Variants in CD300LB observed in about 807,000 individuals in gnomAD.
CD300LB encodes the protein CMRF35-like molecule 7.
Under a neutral mutation model 20.8 loss-of-function variants are expected in CD300LB, and 18 were observed. The observed-to-expected ratio is 0.87, with a 90% CI of 0.60 to 1.28. The LOEUF is 1.28. CD300LB is among the 50% of genes most tolerant of loss of function. CD300LB has a pLI of 0.00. For synonymous variants in CD300LB, 91 were observed against 91.3 expected, an observed-to-expected ratio of 1.00 and a Z score of 0.02; for missense variants, 222 against 251.8, an observed-to-expected ratio of 0.88 and a Z score of 0.80.
chr17:74,528,753 C>A (rs1908109815), intron 1 of CD300LB, among the ~76,000 whole-genome samples: 2 of 152,192 alleles, frequency 1.3e-5, no homozygotes, highest in Non-Finnish European at 2.9e-5. Flanking sequence ...GAAACCCTGG[C>A]AGAGTTGCTT....
chr17:74,522,622 G>C lies in CD300LB; in HGVS notation c.*116C>G, dbSNP rs1440983393. 3.9e-6 allele frequency: 6 copies of C among 1,526,544 alleles called. No homozygotes were observed. Among genetic ancestry groups the C allele is most frequent in the Non-Finnish European group, 5.3e-6 (6 of 1,139,452 alleles). The allele number at this position is 1,526,544 out of a possible 1,614,324, so 94.6% of individuals were successfully genotyped here. A position where few individuals can be genotyped will look rare whatever the true frequency, so the allele number is the denominator to read the frequency against. On this transcript the variant is annotated 3_prime_UTR_variant, in exon 4 of 4. Transcript: ENST00000392621. Reference sequence around the variant, plus strand: ...CCACCAGCTCCAAGGCCAGGGCGGAGGCCCAGGGCCCCTATCTCAGTCACT... The same window carrying C: ...CCACCAGCTCCAAGGCCAGGGCGGACGCCCAGGGCCCCTATCTCAGTCACT...
chr17:74,525,824 G>A lies in CD300LB; in HGVS notation c.294C>T (p.Asp98=), dbSNP rs370755274. 63 of 1,614,024 alleles carry A rather than the reference G, an allele frequency of 3.9e-5. No individual in the cohort carries two copies. The highest frequency in any genetic ancestry group is 1.8e-4 in the South Asian group (16 of 91,082). ...TVTMEGLRRD[D]ADVYWCGIER... ...CAATCCCACACCAGTAAACATCTGC[G>A]TCATCTCGCCTGAGCCCCTCCATGG... Residue 98 remains aspartate, a synonymous_variant, in exon 2 of 4, where the codon GAC becomes GAT. Coordinates refer to ENST00000392621, the MANE Select transcript of CD300LB (RefSeq NM_174892.4).
chr17:74,521,274 C>T lies in CD300LB; in HGVS notation c.*1464G>A, dbSNP rs115963352. 1,114 of 822,040 alleles carry T rather than the reference C, an allele frequency of 1.4e-3. 3 individuals are homozygous for T. The highest frequency in any genetic ancestry group is 8.1e-3 in the African/African-American group (438 of 53,982). 50.9% of individuals were successfully genotyped at this position (822,040 alleles called of 1,614,324 possible). ...CGCCCATGTCCCCTCGCCCCTGAGT[C>T]CAGCTGGTGAAGCACCATGCTTTGG... On this transcript the variant is annotated 3_prime_UTR_variant, in exon 4 of 4. Coordinates refer to ENST00000392621, the MANE Select transcript of CD300LB (RefSeq NM_174892.4).
intron 1 of CD300LB, among the ~76,000 whole-genome samples, chr17:74,528,139 T>G (rs1908091693): frequency 1.3e-5 from 2 of 152,030 alleles, no homozygotes; most frequent in African/African-American, 4.8e-5. Context: ...CCACTGATTC[T>G]ACATTATGGT....
rs1028544069 is a variant in CD300LB at position 74,521,855 on chromosome 17, A to T, written c.*883T>A. 1 of 985,448 alleles carries T rather than the reference A, an allele frequency of 1.0e-6. No individual in the cohort carries two copies. Among genetic ancestry groups the T allele is most frequent in the Non-Finnish European group, 1.2e-6 (1 of 829,958 alleles). The allele number at this position is 985,448 out of a possible 1,614,324, so 61.0% of individuals were successfully genotyped here. A position where few individuals can be genotyped will look rare whatever the true frequency, so the allele number is the denominator to read the frequency against. ...GTGAAGCCTGTGAGGAGACAGAACC[A>T]CTTCCCTAGGACAGTTTTCATTAGT... On this transcript the variant is annotated 3_prime_UTR_variant, in exon 4 of 4. Coordinates refer to ENST00000392621, the MANE Select transcript of CD300LB (RefSeq NM_174892.4).
In CD300LB at chr17:74,525,894, C is replaced by T. The variant is rs546240009; in HGVS notation, c.224G>A (p.Arg75His). The T allele has an allele frequency of 5.0e-6, 8 of 1,614,132 alleles. No individual in the cohort carries two copies. The highest frequency in any genetic ancestry group is 1.6e-4 in the Middle Eastern group (1 of 6,062). ...RGSEQGEKSD[R>H]VSIKDNQKDR... ...TTTCTGATTGTCCTTGATGGACACA[C>T]GGTCACTCTTCTCTCCTTGCTCCGA... The change falls in exon 2 of 4, where the codon CGT becomes CAT. Residue 75 changes from arginine (R) to histidine (H), a missense_variant. Physicochemically the swap from Arg to His is conservative, Grantham distance 29. Coordinates refer to ENST00000392621, the MANE Select transcript of CD300LB (RefSeq NM_174892.4).
At chr17:74,527,210 C>T (rs746835967) in intron 1 of CD300LB, among the ~76,000 whole-genome samples, 2 of 152,246 alleles carry the variant, frequency 1.3e-5, no homozygotes, top group Admixed American at 6.5e-5. Context: ...TGAGCATAAT[C>T]AAATGGCAGT....
chr17:74,531,092 A>G (rs749769591), intron 1 of CD300LB, among the ~76,000 whole-genome samples: 1 of 152,194 alleles, frequency 6.6e-6, no homozygotes, highest in African/African-American at 2.4e-5. Context: ...GGTGTGAGCC[A>G]TGGCCTCAAG....
At chr17:74,523,345 G>T in intron 3 of CD300LB, 2 of 574,214 alleles carry the variant, frequency 3.5e-6, no homozygotes. Context: ...CTGATTGACT[G>T]GGAGAATGAT....
chr17:74,527,644 T>C (rs1425080848), intron 1 of CD300LB, among the ~76,000 whole-genome samples: 4 of 152,180 alleles, frequency 2.6e-5, no homozygotes, highest in Non-Finnish European at 5.9e-5. Context: ...ATAATCTCCA[T>C]GGATATTCTA....
intron 1 of CD300LB, among the ~76,000 whole-genome samples, chr17:74,528,060 T>C (rs1908089369): frequency 6.6e-6 from 1 of 151,854 alleles, no homozygotes; most frequent in South Asian, 2.1e-4. Context: ...TAATGCCTGA[T>C]GATGTGTCAC....
chr17:74,524,240 A>G (rs752091446), intron 2 of CD300LB, among the ~76,000 whole-genome samples: 2 of 152,238 alleles, frequency 1.3e-5, no homozygotes, highest in African/African-American at 2.4e-5. Flanking sequence ...CTGAGTATCC[A>G]TGACCCAACA....
chr17:74,529,611 T>G (rs1908139827), intron 1 of CD300LB, among the ~76,000 whole-genome samples: 1 of 152,094 alleles, frequency 6.6e-6, no homozygotes, highest in Non-Finnish European at 1.5e-5. Context: ...ACCAACATGG[T>G]GAAATCCTGT....
At chr17:74,529,117 G>C (rs751203978) in intron 1 of CD300LB, among the ~76,000 whole-genome samples, 13 of 152,158 alleles carry the variant, frequency 8.5e-5, no homozygotes, top group Non-Finnish European at 1.6e-4. Context: ...GGGTGACAGA[G>C]TGAGACACTG....
rs745546425 is a variant in CD300LB, at chr17:74,522,868, A to G, written c.476T>C (p.Val159Ala). 10 of 1,613,930 alleles carry G rather than the reference A, an allele frequency of 6.2e-6. No homozygotes were observed. The highest frequency in any genetic ancestry group is 7.6e-6 in the Non-Finnish European group (9 of 1,179,984). Residue 159 changes from valine to alanine, a missense_variant, in exon 4 of 4, where the codon GTG (valine) becomes GCG (alanine). By Grantham distance (64) the Val-to-Ala change is moderately conservative (BLOSUM62 0). Transcript: ENST00000392621. ...AGTGACCAAGATGAGCAAGATGGGC[A>G]CCTTCACAAATACCAGGAGCATGTA... ...NHYMLLVFVK[V>A]PILLILVTAI... is the part of the protein sequence containing the mutation.
chr17:74,525,747 C>G lies in CD300LB; in HGVS notation c.370+1G>C. Reference sequence around the variant, plus strand: ...CCTTGTGTAGATGAGAAAGTTCTTACCTGGGTCAACGATCACTTTCACTTG... The same window carrying G: ...CCTTGTGTAGATGAGAAAGTTCTTAGCTGGGTCAACGATCACTTTCACTTG... On this transcript the variant is annotated splice_donor_variant, in intron 2 of 3. Coordinates refer to ENST00000392621, the MANE Select transcript of CD300LB (RefSeq NM_174892.4). LOFTEE classifies it high-confidence loss of function. The G allele has an allele frequency of 6.2e-7, 1 of 1,611,468 alleles. No individual in the cohort carries two copies. Among genetic ancestry groups the G allele is most frequent in the Non-Finnish European group, 8.5e-7 (1 of 1,178,440 alleles).
At chr17:74,528,583 C>T (rs541320122) in intron 1 of CD300LB, among the ~76,000 whole-genome samples, 28 of 152,202 alleles carry the variant, frequency 1.8e-4, no homozygotes, top group Non-Finnish European at 3.4e-4. Context: ...CTTCAGCCCC[C>T]GAGCTGATTG....
rs1907873871 is a variant in CD300LB, at chr17:74,521,365, A to G, written c.*1373T>C. Reference sequence around the variant, plus strand: ...GTCGGATCTTCGGGAAGCTGGATCCAGGAAAGCATTCCAGGAGGTAGGGCC... The same window carrying G: ...GTCGGATCTTCGGGAAGCTGGATCCGGGAAAGCATTCCAGGAGGTAGGGCC... On this transcript the variant is annotated 3_prime_UTR_variant, in exon 4 of 4. Transcript: ENST00000392621. 1 of 985,580 alleles carries G rather than the reference A, an allele frequency of 1.0e-6. No homozygotes were observed. Among genetic ancestry groups the G allele is most frequent in the Non-Finnish European group, 1.2e-6 (1 of 830,028 alleles). 61.1% of individuals were successfully genotyped at this position (985,580 alleles called of 1,614,324 possible). A position where few individuals can be genotyped will look rare whatever the true frequency, so the allele number is the denominator to read the frequency against.
Position 74,522,875 on chromosome 17 carries a change from C to A in CD300LB, c.469G>T (p.Val157Leu), listed in dbSNP as rs149009741. ...AAGATGAGCAAGATGGGCACCTTCA[C>A]AAATACCAGGAGCATGTAGTGGTTC... ...KRNHYMLLVFVKVPILLILVT... is the reference protein window; with the variant it reads ...KRNHYMLLVFLKVPILLILVT... The change falls in exon 4 of 4, where the codon GTG becomes TTG. Residue 157 changes from valine to leucine, a missense_variant. Val to Leu is a conservative substitution (Grantham distance 32). Transcript: ENST00000392621. 6.2e-7 allele frequency: 1 copy of A among 1,613,942 alleles called. No individual in the cohort carries two copies. The highest frequency in any genetic ancestry group is 8.5e-7 in the Non-Finnish European group (1 of 1,180,006).
Sources: gnomAD v4.1 joint callset for allele counts (sites outside exome capture counted in the v4.1 genomes callset) on GRCh38, gnomAD v4.1.1 for gene constraint, MANE v1.5 for transcripts, NCBI Gene and HGNC (gene_info 2026-07-23, HGNC 2026-07-21) for gene names.